Variants in SIAE observed in about 807,000 individuals in gnomAD.
SIAE encodes the protein sialate O-acetylesterase.
A neutral mutation model predicts 52.6 loss-of-function variants in SIAE; 39 were observed. That is an observed-to-expected ratio of 0.74 (90% CI 0.57 to 0.97). The LOEUF (loss-of-function observed/expected upper bound fraction) is 0.97, where lower values mean the gene tolerates loss of function less well. Among genes scored for constraint, SIAE ranks in the 50% least tolerant of loss-of-function variants. SIAE has a pLI of 0.00. For synonymous variants in SIAE, 233 were observed against 241.4 expected (o/e 0.97, Z 0.32); for missense variants, 592 against 662.1 (o/e 0.89, Z 1.16).
chr11:124,659,371 T>A (rs527274391), intron 3 of SIAE: 1 of 152,354 alleles, frequency 6.6e-6, no homozygotes, highest in African/African-American at 2.4e-5. Flanking sequence ...ACTTTGATTC[T>A]GCTTCTACTC....
chr11:124,643,110 A>G (rs1225710720), intron 7 of SIAE, among the ~76,000 whole-genome samples: 1 of 152,250 alleles, frequency 6.6e-6, no homozygotes, highest in Non-Finnish European at 1.5e-5. Flanking sequence ...TTAAGCTGCT[A>G]AATATGCAGT....
chr11:124,671,570 T>C (rs1378062476), intron 1 of SIAE, among the ~76,000 whole-genome samples: 1 of 152,172 alleles, frequency 6.6e-6, no homozygotes, highest in Non-Finnish European at 1.5e-5. Context: ...AATTAGATAC[T>C]TGTGGCAAAT....
At chr11:124,640,166 T>C (rs1012411025) in intron 7 of SIAE, among the ~76,000 whole-genome samples, 2 of 152,134 alleles carry the variant, frequency 1.3e-5, no homozygotes, top group Non-Finnish European at 2.9e-5. Flanking sequence ...AGAATTGATG[T>C]TGTACAGCTC....
At chr11:124,669,806 G>C (rs1943323840) in intron 1 of SIAE, among the ~76,000 whole-genome samples, 1 of 152,198 alleles carries the variant, frequency 6.6e-6, no homozygotes, top group South Asian at 2.1e-4. Context: ...CAGAGCTCTT[G>C]ATCTTTTTTT....
intron 4 of SIAE, among the ~76,000 whole-genome samples, chr11:124,651,947 G>C (rs1307066382): frequency 6.6e-6 from 1 of 152,186 alleles, no homozygotes; most frequent in Non-Finnish European, 1.5e-5. Flanking sequence ...AAGAGAGCTG[G>C]AGAAGCCTTA....
At chr11:124,651,543 G>A (rs1392870129) in intron 4 of SIAE, among the ~76,000 whole-genome samples, 10 of 131,596 alleles carry the variant, frequency 7.6e-5, no homozygotes, top group Non-Finnish European at 1.1e-4. Flanking sequence ...GCAAGACTCC[G>A]TCTCAAAAAA....
intron 1 of SIAE, among the ~76,000 whole-genome samples, chr11:124,671,573 T>C (rs1343524238): frequency 2.6e-5 from 4 of 152,158 alleles, no homozygotes; most frequent in Non-Finnish European, 5.9e-5. Flanking sequence ...TAGATACTTG[T>C]GGCAAATCAA....
intron 5 of SIAE, among the ~76,000 whole-genome samples, chr11:124,648,939 G>A (rs555364207): frequency 1.2e-4 from 18 of 152,244 alleles, no homozygotes; most frequent in African/African-American, 3.9e-4. Context: ...GCTTCCCAGC[G>A]TGAATGAGAC....
intron 2 of SIAE, among the ~76,000 whole-genome samples, chr11:124,666,081 G>C (rs1943270053): frequency 6.6e-6 from 1 of 152,088 alleles, no homozygotes; most frequent in Admixed American, 6.6e-5. Context: ...TACATCATTT[G>C]ACAACATCGT....
At chr11:124,651,492 G>A (rs1448694738) in intron 4 of SIAE, among the ~76,000 whole-genome samples, 4 of 151,054 alleles carry the variant, frequency 2.6e-5, no homozygotes, top group Non-Finnish European at 1.5e-5. Flanking sequence ...AGGTTGCAGT[G>A]AGCTGAGATC....
Position 124,639,710 on chromosome 11 carries a change from C to G in SIAE, c.1124G>C (p.Ser375Thr), listed in dbSNP as rs748501578. ...DLCDRDSPFG[S>T]IHPRDKQTVA... ...TGCAAAGCCCAAGAAGCAATCATAC[C>G]TGCCAAAAGGCGAGTCTCTATCACA... Residue 375 changes from serine (S) to threonine (T), a missense_variant and splice_region_variant, in exon 8 of 10, where the codon AGC becomes ACC. By Grantham distance (58) the Ser-to-Thr change is moderately conservative. Coordinates refer to ENST00000263593, the MANE Select transcript of SIAE (RefSeq NM_170601.5). The G allele has an allele frequency of 1.2e-6, 2 of 1,614,022 alleles. No homozygotes were observed. The highest frequency in any genetic ancestry group is 2.2e-5 in the South Asian group (2 of 91,082).
chr11:124,667,251 A>C (rs1943285893), intron 2 of SIAE, among the ~76,000 whole-genome samples: 1 of 152,182 alleles, frequency 6.6e-6, no homozygotes, highest in Non-Finnish European at 1.5e-5. Flanking sequence ...CACAAACAGA[A>C]AGCACTGAGA....
In SIAE at chr11:124,660,712, G is replaced by C. The variant is rs139242761; in HGVS notation, c.321C>G (p.Asn107Lys). The change falls in exon 3 of 10, where the codon AAC becomes AAG. Residue 107 changes from asparagine (N) to lysine (K), a missense_variant. Coordinates refer to ENST00000263593, the MANE Select transcript of SIAE (RefSeq NM_170601.5). ...VMAQQTLEKI[N>K]FTLRVHDVLF... ...GGACGTCATGAACTCTCAGGGTGAA[G>C]TTTATTTTCTCCAAAGTCTGTTGTG... 379 of 1,614,056 alleles carry C rather than the reference G, an allele frequency of 2.3e-4. 1 individual carries two copies. The highest frequency in any genetic ancestry group is 3.0e-4 in the Non-Finnish European group (356 of 1,180,040).
chr11:124,647,255 C>A, intron 7 of SIAE, 110 bp downstream of exon 7: 7 of 1,460,152 alleles, frequency 4.8e-6, no homozygotes, highest in Non-Finnish European at 6.7e-6. Context: ...AGATGAAATC[C>A]AGGAAAGAGA....
chr11:124,640,145 T>A (rs1942821842), intron 7 of SIAE, among the ~76,000 whole-genome samples: 1 of 152,124 alleles, frequency 6.6e-6, no homozygotes, highest in Non-Finnish European at 1.5e-5. Flanking sequence ...CTTTGACCCA[T>A]AGAATGCAGG....
In SIAE at chr11:124,671,653, C is replaced by T. The variant is rs566801518; in HGVS notation, c.67+1989G>A. Among the ~76,000 whole-genome samples, 5 of 152,100 alleles carry T rather than the reference C, an allele frequency of 3.3e-5. No homozygotes were observed. The South Asian group carries it at 6.2e-4, about 19-fold the overall frequency. On this transcript the variant is annotated intron_variant, in intron 1 of 9. Coordinates refer to ENST00000263593, the MANE Select transcript of SIAE (RefSeq NM_170601.5). ...TTCATTAGAGTAGACAGTGGAACAT[C>T]AAGGAATTGTGCAATGGACAAAAAA...
upstream of SIAE, chr11:124,674,051 T>C: frequency 3.5e-6 from 1 of 282,908 alleles, no homozygotes; most frequent in East Asian, 8.0e-5. Flanking sequence ...CTCGGAGCCC[T>C]GGGCCGTTTG....
chr11:124,639,835 G>A lies in SIAE; in HGVS notation c.999C>T (p.Asp333=), dbSNP rs371229601. 1.6e-5 allele frequency: 26 copies of A among 1,614,066 alleles called. No homozygotes were observed. The highest frequency in any genetic ancestry group is 3.3e-5 in the Admixed American group (2 of 60,006). Residue 333 remains aspartate, a synonymous_variant, in exon 8 of 10, where the codon GAC becomes GAT. Coordinates refer to ENST00000263593, the MANE Select transcript of SIAE (RefSeq NM_170601.5). ...GCCAACGGATCTGGGGAAATCCATC[G>A]TCTGAGCTCTTCTTAGACAAATCTG... ...LSSDLSKKSS[D]DGFPQIRWHQ... is the part of the protein sequence containing the mutation.
In SIAE at chr11:124,633,153, A is replaced by G. The variant is rs1416140355; in HGVS notation, c.*3798T>C. The G allele has an allele frequency of 6.6e-6, 1 of 152,192 alleles. No homozygotes were observed. Among genetic ancestry groups the G allele is most frequent in the Non-Finnish European group, 1.5e-5 (1 of 68,060 alleles). The allele number at this position is 152,192 out of a possible 1,614,324, so 9.4% of individuals were successfully genotyped here. On this transcript the variant is annotated 3_prime_UTR_variant, in exon 10 of 10. Coordinates refer to ENST00000263593, the MANE Select transcript of SIAE (RefSeq NM_170601.5). ...CTTTAACCTTTGTATTGCACCTCAG[A>G]TAATGTGCTTTTTAGCTCAGTACAC...
Sources: gnomAD v4.1 joint callset for allele counts (sites outside exome capture counted in the v4.1 genomes callset) on GRCh38, gnomAD v4.1.1 for gene constraint, MANE v1.5 for transcripts, NCBI Gene and HGNC (gene_info 2026-07-23, HGNC 2026-07-21) for gene names.